RAPGEF4: variants seen among roughly 807,000 people sequenced by gnomAD.
RAPGEF4 encodes Rap guanine nucleotide exchange factor 4.
A neutral mutation model predicts 147.9 loss-of-function variants in RAPGEF4; 66 were observed. The observed-to-expected ratio is 0.45, with a 90% CI of 0.37 to 0.55. The LOEUF (loss-of-function observed/expected upper bound fraction) is 0.55. Ranked by LOEUF, RAPGEF4 falls within the 20% of genes least tolerant of loss-of-function variation. The pLI is 0.00. For synonymous variants in RAPGEF4, 419 were observed against 442.7 expected, an observed-to-expected ratio of 0.95 and a Z score of 0.67; for missense variants, 1,071 against 1,257.3, an observed-to-expected ratio of 0.85 and a Z score of 2.24.
At chr2:172,747,199 CT>C (rs1181982611) in intron 1 of RAPGEF4, among the ~76,000 whole-genome samples, 3 of 152,278 alleles carry the variant, frequency 2.0e-5, no homozygotes, top group South Asian at 2.1e-4. Flanking sequence ...AATTTTTCAT[CT>C]TCATTGAGGC....
intron 5 of RAPGEF4, among the ~76,000 whole-genome samples, chr2:172,921,425 G>T (rs1441122068): frequency 6.6e-6 from 1 of 152,164 alleles, no homozygotes; most frequent in African/African-American, 2.4e-5. Flanking sequence ...TGTAAATCCT[G>T]TGTAGCTCCT....
At chr2:172,944,908 T>A (rs1559137159) in intron 6 of RAPGEF4, among the ~76,000 whole-genome samples, 1 of 152,178 alleles carries the variant, frequency 6.6e-6, no homozygotes, top group Non-Finnish European at 1.5e-5. Context: ...AAAAAAACTG[T>A]GACCTCCAGG....
chr2:172,817,359 T>A (rs903398948), intron 4 of RAPGEF4, among the ~76,000 whole-genome samples: 4 of 152,204 alleles, frequency 2.6e-5, no homozygotes, highest in Non-Finnish European at 5.9e-5. Flanking sequence ...CTAATCTGCT[T>A]GCAAAATATT....
chr2:173,031,384 G>A (rs1353470748), intron 26 of RAPGEF4, among the ~76,000 whole-genome samples: 1 of 152,188 alleles, frequency 6.6e-6, no homozygotes, highest in African/African-American at 2.4e-5. Context: ...TAAGCACAAA[G>A]CCATAATGCA....
intron 4 of RAPGEF4, among the ~76,000 whole-genome samples, chr2:172,890,254 G>C (rs543716059): frequency 6.6e-6 from 1 of 152,296 alleles, no homozygotes; most frequent in African/African-American, 2.4e-5. Flanking sequence ...GATAAGAGCC[G>C]GGGCTTAGAG....
At chr2:172,966,282 A>G (rs1187511393) in intron 9 of RAPGEF4, among the ~76,000 whole-genome samples, 1 of 152,216 alleles carries the variant, frequency 6.6e-6, no homozygotes, top group African/African-American at 2.4e-5. Context: ...ACACTTCCAA[A>G]CAGACAAAAT....
chr2:172,977,472 G>A (rs1215882940), intron 10 of RAPGEF4, among the ~76,000 whole-genome samples: 1 of 152,110 alleles, frequency 6.6e-6, no homozygotes, highest in African/African-American at 2.4e-5. Flanking sequence ...TGTCTGATGT[G>A]AGAGTAGAGA....
At chr2:172,742,826 C>T (rs1215464430) in intron 1 of RAPGEF4, among the ~76,000 whole-genome samples, 1 of 152,168 alleles carries the variant, frequency 6.6e-6, no homozygotes. Context: ...TTGGTGTGCT[C>T]AATCCACACC....
At chr2:172,940,775 A>T (rs1687067187) in intron 6 of RAPGEF4, among the ~76,000 whole-genome samples, 1 of 152,122 alleles carries the variant, frequency 6.6e-6, no homozygotes, top group Non-Finnish European at 1.5e-5. Flanking sequence ...GATTCCTGGG[A>T]TTTCGATTGG....
intron 1 of RAPGEF4, among the ~76,000 whole-genome samples, chr2:172,755,099 C>T (rs1253244427): frequency 6.6e-6 from 1 of 151,964 alleles, no homozygotes; most frequent in Non-Finnish European, 1.5e-5. Flanking sequence ...GATATGTGGC[C>T]GTAGAACCCT....
At position 172,735,958 on chromosome 2, in the gene RAPGEF4, A is replaced by C. The variant is rs1483630394; in HGVS notation, c.-26A>C. 1.4e-6 allele frequency: 2 copies of C among 1,450,482 alleles called. No homozygotes were observed. Among genetic ancestry groups the C allele is most frequent in the Admixed American group, 5.0e-5 (2 of 39,950 alleles). The allele number at this position is 1,450,482 out of a possible 1,614,324, so 89.9% of individuals were successfully genotyped here. The stretch of plus-strand genomic sequence containing the variant: ...GCGAGCGCGGGAGGTCGCCGCAGCC[A>C]GGGACACCGCGCGCCGCCGCTCAAC... On this transcript the variant is annotated 5_prime_UTR_variant, in exon 1 of 31. Coordinates refer to ENST00000397081, the MANE Select transcript of RAPGEF4 (RefSeq NM_007023.4).
intron 16 of RAPGEF4, among the ~76,000 whole-genome samples, chr2:172,998,684 C>T (rs183356648): frequency 4.6e-5 from 7 of 152,252 alleles, no homozygotes; most frequent in South Asian, 4.1e-4. Context: ...GTTGAAGAAC[C>T]GGTTATGTGA....
chr2:172,747,560 G>A (rs1199308283), intron 1 of RAPGEF4, among the ~76,000 whole-genome samples: 1 of 152,152 alleles, frequency 6.6e-6, no homozygotes, highest in Non-Finnish European at 1.5e-5. Context: ...TTGAATTCCT[G>A]GCTCAAGCGA....
At chr2:172,763,343 G>A (rs370225994) in intron 1 of RAPGEF4, among the ~76,000 whole-genome samples, 7 of 152,142 alleles carry the variant, frequency 4.6e-5, no homozygotes, top group Non-Finnish European at 8.8e-5. Flanking sequence ...CCCTGATGCC[G>A]GGGCTCAGTC....
At chr2:172,924,439 A>G (rs578164117) in intron 6 of RAPGEF4, among the ~76,000 whole-genome samples, 21 of 152,340 alleles carry the variant, frequency 1.4e-4, no homozygotes, top group Admixed American at 5.2e-4. Flanking sequence ...GGAACTGGCC[A>G]GGCCATCTCC....
At position 172,965,331 on chromosome 2, in the gene RAPGEF4, T is replaced by C. The variant is rs910651362; in HGVS notation, c.699-231T>C. The C allele has an allele frequency of 1.8e-5, 10 of 557,018 alleles. No individual in the cohort carries two copies. In the African/African-American group the frequency reaches 1.9e-4, roughly 10 times the overall value. 34.5% of individuals were successfully genotyped at this position (557,018 alleles called of 1,614,324 possible). ...CCCTGGTGCTACAAGTTGTAATGCTTTCATTTAACCAGCCTTGCTTTAAAG... is the reference window on the plus strand; with the variant it reads ...CCCTGGTGCTACAAGTTGTAATGCTCTCATTTAACCAGCCTTGCTTTAAAG... On this transcript the variant is annotated intron_variant, in intron 8 of 30. Coordinates refer to ENST00000397081, the MANE Select transcript of RAPGEF4 (RefSeq NM_007023.4).
chr2:172,785,579 A>G (rs992612807), intron 1 of RAPGEF4, among the ~76,000 whole-genome samples: 2 of 152,198 alleles, frequency 1.3e-5, no homozygotes, highest in Admixed American at 6.5e-5. Flanking sequence ...ATTCTAATGC[A>G]TATATATTAA....
chr2:173,024,370 A>C (rs1357945239), intron 23 of RAPGEF4, among the ~76,000 whole-genome samples: 2 of 149,240 alleles, frequency 1.3e-5, no homozygotes, highest in Non-Finnish European at 3.0e-5. Context: ...GGCGCCCGCC[A>C]CTACGCCCGG....
intron 3 of RAPGEF4, among the ~76,000 whole-genome samples, chr2:172,807,106 T>A (rs1238466383): frequency 6.6e-6 from 1 of 152,218 alleles, no homozygotes; most frequent in East Asian, 1.9e-4. Context: ...ACAGCAGTTG[T>A]TTGTAATCTC....
Sources: allele counts gnomAD v4.1 joint callset (sites outside exome capture counted in the v4.1 genomes callset), GRCh38; gene constraint gnomAD v4.1.1; transcripts MANE v1.5; gene names NCBI Gene and HGNC (gene_info 2026-07-23, HGNC 2026-07-21).